SIPA1L2: variants seen among roughly 807,000 people sequenced by gnomAD.
The protein encoded by SIPA1L2 is signal-induced proliferation-associated 1-like protein 2.
SIPA1L2 carries 56 observed loss-of-function variants against 163.9 expected under a neutral mutation model. The ratio of observed to expected loss-of-function variants is 0.34; its 90% CI spans 0.28 to 0.43. The LOEUF is 0.43. Among genes scored for constraint, SIPA1L2 ranks in the 20% least tolerant of loss-of-function variants. SIPA1L2 has a pLI of 1.00. For synonymous variants in SIPA1L2, 877 were observed against 865.7 expected (o/e 1.01, Z -0.23); for missense variants, 1,974 against 2,193.5 (o/e 0.90, Z 2.00).
At chr1:232,512,274 A>G (rs6704288) in intron 3 of SIPA1L2, among the ~76,000 whole-genome samples, 133,367 of 152,134 alleles carry the variant, frequency 0.88, 59,079 homozygotes, top group Middle Eastern at 0.95. Context: ...TGTTGGTGGG[A>G]GTGTAAATTA....
rs762941765 is a variant in SIPA1L2 at position 232,415,588 on chromosome 1, C to T, written c.4668G>A (p.Lys1556=). ...TCAGGCCAGGATCTGCGCACTTGGA[C>T]TTATCTGATAAGGACCCATCGGAGA... ...FWFSDGSLSD[K]SKCADPGLMP... The change falls in exon 19 of 23, where the codon AAG becomes AAA. Residue 1556 remains lysine (K), a synonymous_variant. Transcript: ENST00000674635. 1.5e-5 allele frequency: 25 copies of T among 1,614,030 alleles called. No individual in the cohort carries two copies. The highest frequency in any genetic ancestry group is 1.0e-4 in the Admixed American group (6 of 59,996).
chr1:232,514,639 A>G lies in SIPA1L2; in HGVS notation c.701T>C (p.Phe234Ser). ...AMVPFGFPEF[F>S]RCDPAISPSL... ...CGGAGAGATTGCAGGGTCACAGCGG[A>G]AAAATTCAGGGAACCCAAAAGGGAC... is the stretch of plus-strand genomic sequence containing the variant. Residue 234 changes from phenylalanine (F) to serine (S), a missense_variant, in exon 3 of 23, where the codon TTC (phenylalanine) becomes TCC (serine). Phe to Ser is a radical substitution (Grantham distance 155). This residue lies in a region of SIPA1L2 where 607 missense variants were observed against 624.0 expected (regional missense o/e 0.97). Coordinates refer to ENST00000674635, the MANE Select transcript of SIPA1L2 (RefSeq NM_020808.5). 6.2e-7 allele frequency: 1 copy of G among 1,614,206 alleles called. No individual in the cohort carries two copies. Among genetic ancestry groups the G allele is most frequent in the Non-Finnish European group, 8.5e-7 (1 of 1,180,032 alleles).
At chr1:232,436,549 C>T (rs1341678702) in intron 15 of SIPA1L2, among the ~76,000 whole-genome samples, 1 of 152,180 alleles carries the variant, frequency 6.6e-6, no homozygotes, top group Non-Finnish European at 1.5e-5. Context: ...TAGGCCTCGG[C>T]TTGAGGGGAC....
At chr1:232,448,176 G>A (rs184010239) in intron 10 of SIPA1L2, among the ~76,000 whole-genome samples, 69 of 152,276 alleles carry the variant, frequency 4.5e-4, no homozygotes, top group African/African-American at 1.6e-3. Context: ...AGTCGGCTAT[G>A]CCTAAGGTTC....
chr1:232,513,199 G>T (rs1002338898), intron 3 of SIPA1L2, among the ~76,000 whole-genome samples: 11 of 152,196 alleles, frequency 7.2e-5, no homozygotes, highest in African/African-American at 2.4e-4. Flanking sequence ...TTTAAAGGTT[G>T]AGGATTCAAC....
chr1:232,526,315 T>TCATGGGATCCCCTAACCCAGCGGTC (rs1667704060), intron 2 of SIPA1L2, among the ~76,000 whole-genome samples: 1 of 151,286 alleles, frequency 6.6e-6, no homozygotes, highest in Non-Finnish European at 1.5e-5. Context: ...TGTACACCTC[T>TCATGGGATCCCCTAACCCAGCGGTC]CATGGGATCC....
intron 2 of SIPA1L2, among the ~76,000 whole-genome samples, chr1:232,563,627 A>C (rs1430879531): frequency 6.6e-6 from 1 of 152,246 alleles, no homozygotes; most frequent in Non-Finnish European, 1.5e-5. Context: ...AAGTTTAGGA[A>C]AATACAGATG....
chr1:232,515,921 C>T (rs1032177485), intron 2 of SIPA1L2, among the ~76,000 whole-genome samples: 1 of 152,188 alleles, frequency 6.6e-6, no homozygotes, highest in Admixed American at 6.5e-5. Flanking sequence ...AGTAATTTTC[C>T]TTATCTCTAA....
At chr1:232,466,531 C>G (rs1380516073) in intron 8 of SIPA1L2, among the ~76,000 whole-genome samples, 1 of 152,158 alleles carries the variant, frequency 6.6e-6, no homozygotes, top group Non-Finnish European at 1.5e-5. Context: ...TGGCTCATGC[C>G]TGTAATCCCA....
At chr1:232,578,620 CTG>C (rs1460133950) in intron 1 of SIPA1L2, among the ~76,000 whole-genome samples, 1 of 152,164 alleles carries the variant, frequency 6.6e-6, no homozygotes, top group Admixed American at 6.5e-5. Flanking sequence ...ATGAAACAGT[CTG>C]TGTTTTGTGA....
chr1:232,404,284 T>C, intron 19 of SIPA1L2, 106 bp from the exon 20 acceptor site: 2 of 910,994 alleles, frequency 2.2e-6, no homozygotes, highest in Non-Finnish European at 3.5e-6. Flanking sequence ...GTGTGTGTGA[T>C]GGACCAGGGG....
chr1:232,504,455 A>G (rs1417663843), intron 3 of SIPA1L2, among the ~76,000 whole-genome samples: 2 of 150,788 alleles, frequency 1.3e-5, no homozygotes, highest in African/African-American at 4.9e-5. Flanking sequence ...CGAGAAGTGC[A>G]TGAACCTGGG....
chr1:232,618,666 A>C (rs112094460), intron 1 of SIPA1L2, among the ~76,000 whole-genome samples: 27,892 of 151,500 alleles, frequency 0.18, 2,930 homozygotes, highest in Middle Eastern at 0.3. Flanking sequence ...AAAAAAAAAA[A>C]AAAACTCTTG....
intron 1 of SIPA1L2, among the ~76,000 whole-genome samples, chr1:232,602,577 C>A (rs1661661082): frequency 6.6e-6 from 1 of 152,154 alleles, no homozygotes; most frequent in African/African-American, 2.4e-5. Flanking sequence ...GATCCACCCA[C>A]CTCGGCCTCC....
At chr1:232,553,783 T>C (rs1369765699) in intron 2 of SIPA1L2, among the ~76,000 whole-genome samples, 1 of 152,242 alleles carries the variant, frequency 6.6e-6, no homozygotes, top group Admixed American at 6.5e-5. Flanking sequence ...TGTGAATATT[T>C]ATCTCCATTA....
At chr1:232,474,132 G>A (rs983168367) in intron 7 of SIPA1L2, among the ~76,000 whole-genome samples, 2 of 152,138 alleles carry the variant, frequency 1.3e-5, no homozygotes, top group Non-Finnish European at 1.5e-5. Context: ...AAAACCTGAC[G>A]GTACTATTTG....
At chr1:232,531,895 A>C (rs1656984471) in intron 2 of SIPA1L2, among the ~76,000 whole-genome samples, 1 of 152,190 alleles carries the variant, frequency 6.6e-6, no homozygotes, top group African/African-American at 2.4e-5. Context: ...AAGGAGCTCC[A>C]ATCAGGGACT....
intron 1 of SIPA1L2, among the ~76,000 whole-genome samples, chr1:232,583,018 C>A (rs370336458): frequency 6.6e-6 from 1 of 152,172 alleles, no homozygotes; most frequent in African/African-American, 2.4e-5. Context: ...CTAGTCAAGG[C>A]AACCAGGCCA....
intron 22 of SIPA1L2, 127 bp downstream of exon 22, chr1:232,402,265 G>T (rs2102738091): frequency 2.9e-6 from 2 of 683,550 alleles, no homozygotes; most frequent in Non-Finnish European, 4.8e-6. Flanking sequence ...AGCATCTGTT[G>T]GTATTTATCA....
Sources: gnomAD v4.1 joint callset for allele counts (sites outside exome capture counted in the v4.1 genomes callset) on GRCh38, gnomAD v4.1.1 for gene constraint, gnomAD v4.1.1 regional missense constraint, MANE v1.5 for transcripts, NCBI Gene and HGNC (gene_info 2026-07-23, HGNC 2026-07-21) for gene names.